Variants in ENAH observed in about 807,000 individuals in gnomAD.
ENAH encodes the protein protein enabled homolog.
A neutral mutation model predicts 78.7 loss-of-function variants in ENAH; 23 were observed. That is an observed-to-expected ratio of 0.29 (90% CI 0.21 to 0.41). ENAH has a LOEUF of 0.41. ENAH is among the 10% of genes least tolerant of loss of function. ENAH has a pLI of 1.00. For synonymous variants in ENAH, 226 were observed against 241.0 expected (o/e 0.94, Z 0.58); for missense variants, 544 against 691.0 (o/e 0.79, Z 2.39).
intron 3 of ENAH, among the ~76,000 whole-genome samples, chr1:225,532,513 T>C (rs866674695): frequency 6.6e-6 from 1 of 152,122 alleles, no homozygotes; most frequent in African/African-American, 2.4e-5. Flanking sequence ...ACAGGTGTTA[T>C]ATATCAAAGG....
chr1:225,538,025 C>T (rs1219638222), intron 3 of ENAH, among the ~76,000 whole-genome samples: 1 of 151,998 alleles, frequency 6.6e-6, no homozygotes, highest in Non-Finnish European at 1.5e-5. Flanking sequence ...TGGATATGAC[C>T]CATCTCAGCA....
chr1:225,524,544 T>C, intron 4 of ENAH: 1 of 912,006 alleles, frequency 1.1e-6, no homozygotes, highest in African/African-American at 1.8e-5. Flanking sequence ...TAAAATGTAA[T>C]AAGACAGCTA....
intron 1 of ENAH, among the ~76,000 whole-genome samples, chr1:225,617,535 T>C (rs1307029928): frequency 6.6e-6 from 1 of 152,132 alleles, no homozygotes; most frequent in East Asian, 1.9e-4. Flanking sequence ...TAAAAAAGTA[T>C]TTTTTAAAAA....
chr1:225,505,657 G>A (rs972002663), intron 11 of ENAH, among the ~76,000 whole-genome samples: 4 of 152,064 alleles, frequency 2.6e-5, no homozygotes, highest in Non-Finnish European at 4.4e-5. Flanking sequence ...GAAGGAACAG[G>A]AGAGATAACT....
At chr1:225,536,825 C>T (rs1454926798) in intron 3 of ENAH, among the ~76,000 whole-genome samples, 1 of 151,754 alleles carries the variant, frequency 6.6e-6, no homozygotes, top group Non-Finnish European at 1.5e-5. Context: ...TGATAAATGT[C>T]ACCTTTGCTA....
intron 3 of ENAH, among the ~76,000 whole-genome samples, chr1:225,546,784 G>T (rs2096616113): frequency 6.6e-6 from 1 of 152,164 alleles, no homozygotes; most frequent in Admixed American, 6.5e-5. Flanking sequence ...TCTGCCCAAA[G>T]AAACTGTATT....
chr1:225,592,665 A>C (rs1408650131), intron 1 of ENAH, among the ~76,000 whole-genome samples: 1 of 152,238 alleles, frequency 6.6e-6, no homozygotes, highest in East Asian at 1.9e-4. Context: ...ATAAAACATA[A>C]ATGAATATAA....
At chr1:225,608,405 CTT>C (rs972775624) in intron 1 of ENAH, among the ~76,000 whole-genome samples, 7 of 140,694 alleles carry the variant, frequency 5.0e-5, no homozygotes, top group East Asian at 2.1e-4. Flanking sequence ...GCACAACAGA[CTT>C]TTTTTTTTTT....
At chr1:225,652,008 C>T (rs185227271) in intron 1 of ENAH, among the ~76,000 whole-genome samples, 1 of 152,172 alleles carries the variant, frequency 6.6e-6, no homozygotes, top group African/African-American at 2.4e-5. Flanking sequence ...CAATGCAACA[C>T]AGGCTGCTAC....
intron 3 of ENAH, among the ~76,000 whole-genome samples, chr1:225,539,168 T>C (rs1200469542): frequency 6.6e-6 from 1 of 152,268 alleles, no homozygotes; most frequent in East Asian, 1.9e-4. Context: ...TACTCCTATT[T>C]AACCAATTTT....
chr1:225,550,138 A>G (rs1172803445), intron 3 of ENAH, among the ~76,000 whole-genome samples: 1 of 151,840 alleles, frequency 6.6e-6, no homozygotes, highest in African/African-American at 2.4e-5. Flanking sequence ...TTATTTCCCA[A>G]TTGCTCCATG....
chr1:225,571,671 C>T (rs1575572418), intron 1 of ENAH, among the ~76,000 whole-genome samples: 1 of 152,148 alleles, frequency 6.6e-6, no homozygotes, highest in Admixed American at 6.5e-5. Flanking sequence ...TACTGCCCCC[C>T]GCCAACAACT....
intron 1 of ENAH, among the ~76,000 whole-genome samples, chr1:225,631,821 A>T (rs1470800156): frequency 6.6e-6 from 1 of 150,620 alleles, no homozygotes; most frequent in African/African-American, 2.4e-5. Flanking sequence ...TTGTTTTTTT[A>T]ATCCTAGGTA....
At chr1:225,509,724 A>C (rs966366160) in intron 10 of ENAH, among the ~76,000 whole-genome samples, 2 of 152,152 alleles carry the variant, frequency 1.3e-5, no homozygotes, top group Admixed American at 6.5e-5. Context: ...ATTTTATAAA[A>C]GGCTCTCAAC....
intron 3 of ENAH, among the ~76,000 whole-genome samples, chr1:225,532,966 C>CT (rs1366700401): frequency 6.6e-6 from 1 of 151,878 alleles, no homozygotes; most frequent in Non-Finnish European, 1.5e-5. Context: ...GATTTTTGGG[C>CT]TTTTTGTCTT....
At chr1:225,588,521 A>T (rs889800199) in intron 1 of ENAH, among the ~76,000 whole-genome samples, 7 of 152,216 alleles carry the variant, frequency 4.6e-5, no homozygotes, top group African/African-American at 1.4e-4. Context: ...TTTGAAAGAA[A>T]AGTTGGGGCC....
intron 5 of ENAH, chr1:225,517,608 T>G: frequency 1.9e-6 from 3 of 1,550,980 alleles, no homozygotes; most frequent in Non-Finnish European, 2.6e-6. Context: ...TAATCATTAT[T>G]GGAGGAGATG....
At chr1:225,569,111 A>G (rs2096748232) in intron 1 of ENAH, among the ~76,000 whole-genome samples, 1 of 152,264 alleles carries the variant, frequency 6.6e-6, no homozygotes, top group Non-Finnish European at 1.5e-5. Context: ...GCATGTGATG[A>G]CATTTACATA....
chr1:225,558,137 G>T (rs1427849106), intron 2 of ENAH, among the ~76,000 whole-genome samples: 2 of 151,984 alleles, frequency 1.3e-5, no homozygotes, highest in African/African-American at 4.8e-5. Context: ...ATTTTTACAT[G>T]TACTTTTATG....
Sources: gnomAD v4.1 joint callset for allele counts (sites outside exome capture counted in the v4.1 genomes callset) on GRCh38, gnomAD v4.1.1 for gene constraint, MANE v1.5 for transcripts, NCBI Gene and HGNC (gene_info 2026-07-23, HGNC 2026-07-21) for gene names.